Variants in DLGAP1 observed in about 807,000 individuals in gnomAD.
DLGAP1 encodes disks large-associated protein 1.
A neutral mutation model predicts 90.8 loss-of-function variants in DLGAP1; 11 were observed. The observed-to-expected ratio is 0.12, with a 90% CI of 0.08 to 0.20. The LOEUF is 0.20. Ranked by LOEUF, DLGAP1 falls within the 10% of genes least tolerant of loss-of-function variation. The probability of loss-of-function intolerance (pLI) is 1.00; values close to 1 mark genes in which losing one functional copy is unlikely to be tolerated. For missense variants in DLGAP1, 1,050 were observed against 1,333.8 expected (o/e 0.79, Z 3.31); for synonymous variants, 558 against 540.7 (o/e 1.03, Z -0.44).
At chr18:4,218,481 C>T (rs1464780365) in intron 1 of DLGAP1, among the ~76,000 whole-genome samples, 1 of 151,812 alleles carries the variant, frequency 6.6e-6, no homozygotes, top group Non-Finnish European at 1.5e-5. Flanking sequence ...AACATTTAAA[C>T]CTAATCTTTT....
intron 1 of DLGAP1, among the ~76,000 whole-genome samples, chr18:4,197,188 T>TAAAAAAAAAAAAAAA (rs532844849): frequency 1.6e-3 from 121 of 73,536 alleles, no homozygotes; most frequent in African/African-American, 2.0e-3. Flanking sequence ...TAAAAAAAAG[T>TAAAAAAAAAAAAAAA]AAAAAAAAAA....
intron 2 of DLGAP1, among the ~76,000 whole-genome samples, chr18:4,026,105 A>G (rs2074694901): frequency 6.6e-6 from 1 of 152,240 alleles, no homozygotes. Flanking sequence ...GCTTTCATTT[A>G]TAAAAGGTGA....
At chr18:4,343,027 G>A (rs2081226638) in intron 1 of DLGAP1, among the ~76,000 whole-genome samples, 1 of 152,132 alleles carries the variant, frequency 6.6e-6, no homozygotes, top group Non-Finnish European at 1.5e-5. Flanking sequence ...GGATTATGGG[G>A]CCGGGCGCGG....
chr18:3,527,270 T>A (rs1255306411), intron 10 of DLGAP1, among the ~76,000 whole-genome samples: 2 of 152,156 alleles, frequency 1.3e-5, no homozygotes, highest in African/African-American at 2.4e-5. Context: ...CATCACAAAA[T>A]AATTAATAAC....
intron 5 of DLGAP1, among the ~76,000 whole-genome samples, chr18:3,744,790 C>T (rs2063200502): frequency 6.6e-6 from 1 of 152,176 alleles, no homozygotes; most frequent in Admixed American, 6.5e-5. Context: ...AAGTGATCTG[C>T]CCACCTTGGC....
intron 5 of DLGAP1, among the ~76,000 whole-genome samples, chr18:3,747,174 C>T (rs2063305853): frequency 6.6e-6 from 1 of 152,030 alleles, no homozygotes; most frequent in African/African-American, 2.4e-5. Flanking sequence ...CATAGTGAGG[C>T]CCTGTCTGTA....
At chr18:3,769,842 G>A (rs1028581129) in intron 5 of DLGAP1, among the ~76,000 whole-genome samples, 1 of 147,240 alleles carries the variant, frequency 6.8e-6, no homozygotes, top group Non-Finnish European at 1.5e-5. Flanking sequence ...ATGTTACCAC[G>A]GTGGGTGGGG....
At chr18:4,351,138 AC>A (rs2081394669) in intron 1 of DLGAP1, among the ~76,000 whole-genome samples, 2 of 152,176 alleles carry the variant, frequency 1.3e-5, no homozygotes, top group Admixed American at 6.6e-5. Context: ...ATTCTTTGAC[AC>A]TGATGTAAGC....
chr18:3,973,952 G>A (rs940608105), intron 3 of DLGAP1, among the ~76,000 whole-genome samples: 3 of 152,302 alleles, frequency 2.0e-5, no homozygotes, highest in East Asian at 3.9e-4. Context: ...AGAGCCCATC[G>A]CTCCTAGGCT....
intron 1 of DLGAP1, among the ~76,000 whole-genome samples, chr18:4,171,973 A>G: frequency 6.6e-6 from 1 of 152,128 alleles, no homozygotes; most frequent in Non-Finnish European, 1.5e-5. Flanking sequence ...TTTTCCAAAG[A>G]TTTTTCCTTC....
chr18:3,667,569 A>G (rs1009377005), intron 7 of DLGAP1, among the ~76,000 whole-genome samples: 4 of 152,132 alleles, frequency 2.6e-5, no homozygotes, highest in Non-Finnish European at 5.9e-5. Flanking sequence ...AAGGGCTTGG[A>G]CTTGGTTCCT....
chr18:3,956,607 CA>C (rs1401401533), intron 3 of DLGAP1, among the ~76,000 whole-genome samples: 2 of 152,010 alleles, frequency 1.3e-5, no homozygotes, highest in Non-Finnish European at 2.9e-5. Context: ...CTTGGCCTCC[CA>C]AAGTGCTGGG....
chr18:4,411,568 C>T (rs2082778137), intron 1 of DLGAP1, among the ~76,000 whole-genome samples: 1 of 152,148 alleles, frequency 6.6e-6, no homozygotes, highest in Non-Finnish European at 1.5e-5. Context: ...AAAACTTTGT[C>T]TTAAAATAAT....
chr18:3,704,598 A>AT (rs1233439398), intron 7 of DLGAP1, among the ~76,000 whole-genome samples: 1 of 151,990 alleles, frequency 6.6e-6, no homozygotes, highest in African/African-American at 2.4e-5. Flanking sequence ...AAAAGAAAAA[A>AT]TTAAATTTCA....
intron 7 of DLGAP1, among the ~76,000 whole-genome samples, chr18:3,626,375 C>T (rs977085299): frequency 2.6e-5 from 4 of 151,342 alleles, no homozygotes; most frequent in Non-Finnish European, 2.9e-5. Context: ...GGGAGGATTG[C>T]GTAAGCCCAG....
chr18:3,882,367 C>CT (rs1263464129), intron 3 of DLGAP1, among the ~76,000 whole-genome samples: 1 of 146,442 alleles, frequency 6.8e-6, no homozygotes, highest in African/African-American at 2.7e-5. Flanking sequence ...GGGACCCAGT[C>CT]TTTAAAAAAA....
chr18:4,326,996 C>T (rs922666852), intron 1 of DLGAP1, among the ~76,000 whole-genome samples: 1 of 151,840 alleles, frequency 6.6e-6, no homozygotes, highest in African/African-American at 2.4e-5. Flanking sequence ...TACCCCTGGA[C>T]CTAAAGTCAC....
intron 2 of DLGAP1, among the ~76,000 whole-genome samples, chr18:4,006,217 G>A (rs2074297526): frequency 6.6e-6 from 1 of 152,152 alleles, no homozygotes; most frequent in African/African-American, 2.4e-5. Context: ...AGGGAAAATA[G>A]CAACTATGGG....
chr18:3,852,804 C>T (rs1275312745), intron 4 of DLGAP1, among the ~76,000 whole-genome samples: 1 of 152,046 alleles, frequency 6.6e-6, no homozygotes, highest in Non-Finnish European at 1.5e-5. Context: ...ATGTGAATAT[C>T]TTTTCCAAAG....
Sources: allele counts gnomAD v4.1 joint callset (sites outside exome capture counted in the v4.1 genomes callset), GRCh38; gene constraint gnomAD v4.1.1; transcripts MANE v1.5; gene names NCBI Gene and HGNC (gene_info 2026-07-23, HGNC 2026-07-21).